The following SIRT2 variants were observed in gnomAD, a reference collection of about 807,000 sequenced individuals.
SIRT2 encodes the protein sirtuin 2, also known as NAD-dependent protein deacetylase sirtuin-2.
A neutral mutation model predicts 57.4 loss-of-function variants in SIRT2; 40 were observed. The ratio of observed to expected loss-of-function variants is 0.70; its 90% CI spans 0.54 to 0.91. The LOEUF (loss-of-function observed/expected upper bound fraction) is 0.91. SIRT2 is among the 40% of genes least tolerant of loss of function. The probability of loss-of-function intolerance (pLI) is 0.00; values close to 1 mark genes in which losing one functional copy is unlikely to be tolerated. For synonymous variants in SIRT2, 161 were observed against 195.7 expected, an observed-to-expected ratio of 0.82 and a Z score of 1.48; for missense variants, 439 against 510.4, an observed-to-expected ratio of 0.86 and a Z score of 1.35.
intron 10 of SIRT2, 79 bp from the exon 11 acceptor site, chr19:38,881,234 G>A (rs1322326315): frequency 4.9e-6 from 7 of 1,427,062 alleles, no homozygotes; most frequent in African/African-American, 2.8e-5. Flanking sequence ...TGGCAGACCC[G>A]GAGGCCACAG....
At chr19:38,892,288 C>T (rs976243237) in intron 4 of SIRT2, among the ~76,000 whole-genome samples, 1 of 151,250 alleles carries the variant, frequency 6.6e-6, no homozygotes, top group African/African-American at 2.4e-5. Context: ...CCCAGCCACT[C>T]GGGAGGCTGA....
intron 1 of SIRT2, chr19:38,898,995 G>C (rs117301980): frequency 2.5e-3 from 467 of 190,572 alleles, no homozygotes; most frequent in South Asian, 9.0e-3. Flanking sequence ...TGTGTGCGGG[G>C]AGGGTTAGAT....
chr19:38,882,183 C>T (rs1478657095), intron 9 of SIRT2, among the ~76,000 whole-genome samples: 3 of 150,378 alleles, frequency 2.0e-5, no homozygotes, highest in African/African-American at 7.4e-5. Flanking sequence ...CACCTGGCTA[C>T]ATTTTATTTT....
At chr19:38,884,701 C>A (rs1973271966) in intron 8 of SIRT2, among the ~76,000 whole-genome samples, 1 of 152,034 alleles carries the variant, frequency 6.6e-6, no homozygotes, top group Admixed American at 6.5e-5. Context: ...CTTGCCTCGG[C>A]CTCCCAAAGT....
At position 38,880,560 on chromosome 19, in the gene SIRT2, G is replaced by T. The variant is rs1379673050; in HGVS notation, c.876+125C>A. On this transcript the variant is annotated intron_variant, in intron 13 of 15. Coordinates refer to ENST00000249396, the MANE Select transcript of SIRT2 (RefSeq NM_012237.4). The surrounding 1 kb of genome is among the most constrained non-coding windows in gnomAD (Gnocchi z 4.1). ...TGGAACCCGACCCCTCTGGATTCTAGAGCCCCAGGTTCTGAGCTGAGGAAT... is the reference window on the plus strand; with the variant it reads ...TGGAACCCGACCCCTCTGGATTCTATAGCCCCAGGTTCTGAGCTGAGGAAT... The T allele has an allele frequency of 3.6e-5, 24 of 663,884 alleles. No individual in the cohort carries two copies. The East Asian group carries it at 6.2e-4, about 17-fold the overall frequency. 41.1% of individuals were successfully genotyped at this position (663,884 alleles called of 1,614,324 possible).
chr19:38,887,412 T>C (rs1435822935), intron 8 of SIRT2, among the ~76,000 whole-genome samples: 1 of 152,198 alleles, frequency 6.6e-6, no homozygotes, highest in Non-Finnish European at 1.5e-5. Flanking sequence ...AGCCACGTCC[T>C]GGAATAATGG....
At chr19:38,883,013 TTGTTAAATCAGCATAAAGAA>T (rs1187180402) in intron 9 of SIRT2, among the ~76,000 whole-genome samples, 1 of 152,022 alleles carries the variant, frequency 6.6e-6, no homozygotes, top group Non-Finnish European at 1.5e-5. Flanking sequence ...ACCAGAGGCT[TTGTTAAATCAGCATAAAGAA>T]TGTCAGAAAT....
chr19:38,890,994 C>G (rs1335287642), intron 4 of SIRT2, among the ~76,000 whole-genome samples: 2 of 152,250 alleles, frequency 1.3e-5, no homozygotes, highest in African/African-American at 4.8e-5. Context: ...GAGATGCCAT[C>G]AGGCCAGGCC....
chr19:38,889,710 T>A lies in SIRT2; in HGVS notation c.411A>T (p.Glu137Asp). 6.2e-7 allele frequency: 1 copy of A among 1,613,834 alleles called. No individual in the cohort carries two copies. Among genetic ancestry groups the A allele is most frequent in the Non-Finnish European group, 8.5e-7 (1 of 1,179,952 alleles). The change falls in exon 7 of 16, where the codon GAA becomes GAT. Residue 137 changes from glutamate (E) to aspartate (D), a missense_variant. Physicochemically the swap from Glu to Asp is conservative, Grantham distance 45. Coordinates refer to ENST00000249396, the MANE Select transcript of SIRT2 (RefSeq NM_012237.4). ...HPEPFFALAK[E>D]LYPGQFKPTI... is the part of the protein sequence containing the mutation. ...TCACCTTGAACTGCCCAGGATAGAG[T>A]TCCTTGGCGAGGGCGAAGAAGGGTT... is the stretch of plus-strand genomic sequence containing the variant.
chr19:38,880,941 G>C lies in SIRT2; in HGVS notation c.748-44C>G. 6.3e-7 allele frequency: 1 copy of C among 1,589,000 alleles called. No homozygotes were observed. The highest frequency in any genetic ancestry group is 8.6e-7 in the Non-Finnish European group (1 of 1,159,034). ...GCTTGGGAGCCTCCGCCCAGGCTGCGCCACCGCTCCCTCCCCCGCCCCCAG... is the reference window on the plus strand; with the variant it reads ...GCTTGGGAGCCTCCGCCCAGGCTGCCCCACCGCTCCCTCCCCCGCCCCCAG... On this transcript the variant is annotated intron_variant, in intron 11 of 15. Coordinates refer to ENST00000249396, the MANE Select transcript of SIRT2 (RefSeq NM_012237.4). This position sits in a 1 kb window ranked among gnomAD's most constrained non-coding sequence, Gnocchi z 4.1.
intron 2 of SIRT2, chr19:38,894,151 C>T: frequency 2.1e-6 from 1 of 469,958 alleles, no homozygotes; most frequent in Non-Finnish European, 3.7e-6. Context: ...GGCTGGAGTG[C>T]ACTGGTGCAG....
chr19:38,891,920 G>A (rs969886576), intron 4 of SIRT2: 5 of 469,866 alleles, frequency 1.1e-5, no homozygotes, highest in African/African-American at 4.0e-5. Flanking sequence ...AGGAGAGGGA[G>A]GCTCAGGGCA....
rs746142952 is a variant in SIRT2 at position 38,880,280 on chromosome 19, C to T, written c.876+405G>A. Reference sequence around the variant, plus strand: ...CTGCCCACAGCGTGCGCTGCTTGCCCGGTGACCCTGCCTACTTCCCCTGAG... The same window carrying T: ...CTGCCCACAGCGTGCGCTGCTTGCCTGGTGACCCTGCCTACTTCCCCTGAG... On this transcript the variant is annotated intron_variant, in intron 13 of 15. Coordinates refer to ENST00000249396, the MANE Select transcript of SIRT2 (RefSeq NM_012237.4). This position sits in a 1 kb window ranked among gnomAD's most constrained non-coding sequence, Gnocchi z 4.1. 9 of 210,504 alleles carry T rather than the reference C, an allele frequency of 4.3e-5. No individual in the cohort carries two copies. Among genetic ancestry groups the T allele is most frequent in the East Asian group, 3.3e-4 (3 of 9,040 alleles). The allele number at this position is 210,504 out of a possible 1,614,324, so 13.0% of individuals were successfully genotyped here. A position where few individuals can be genotyped will look rare whatever the true frequency, so the allele number is the denominator to read the frequency against.
At chr19:38,885,575 C>T (rs564557145) in intron 8 of SIRT2, among the ~76,000 whole-genome samples, 4 of 150,442 alleles carry the variant, frequency 2.7e-5, no homozygotes, top group South Asian at 4.2e-4. Context: ...TACAGGCACC[C>T]GCCACCATGC....
chr19:38,882,700 T>C (rs1973193992), intron 9 of SIRT2, among the ~76,000 whole-genome samples: 1 of 125,440 alleles, frequency 8.0e-6, no homozygotes, highest in African/African-American at 2.8e-5. Flanking sequence ...TTCTAAGTCA[T>C]TTGCTCAACT....
At chr19:38,885,747 T>C (rs1973314813) in intron 8 of SIRT2, among the ~76,000 whole-genome samples, 2 of 152,014 alleles carry the variant, frequency 1.3e-5, no homozygotes, top group South Asian at 4.1e-4. Flanking sequence ...CGCGCCACCA[T>C]GCCTAGCTAA....
chr19:38,881,299 G>A (rs371190445), intron 10 of SIRT2, 133 bp downstream of exon 10: 5 of 1,140,702 alleles, frequency 4.4e-6, no homozygotes, highest in South Asian at 2.7e-5. Context: ...TTCTCCCCAG[G>A]ATGGATCTGG....
Position 38,880,954 on chromosome 19 carries a change from C to G in SIRT2, c.748-57G>C. The G allele has an allele frequency of 3.2e-6, 5 of 1,572,552 alleles. No homozygotes were observed. Among genetic ancestry groups the G allele is most frequent in the Non-Finnish European group, 4.4e-6 (5 of 1,145,140 alleles). ...CGCCCAGGCTGCGCCACCGCTCCCT[C>G]CCCCGCCCCCAGCAGCAAACCTCCC... is the stretch of plus-strand genomic sequence containing the variant. On this transcript the variant is annotated intron_variant, in intron 11 of 15. Coordinates refer to ENST00000249396, the MANE Select transcript of SIRT2 (RefSeq NM_012237.4). The surrounding 1 kb of genome is among the most constrained non-coding windows in gnomAD (Gnocchi z 4.1).
intron 7 of SIRT2, 155 bp downstream of exon 7, chr19:38,889,534 C>A: frequency 1.3e-6 from 1 of 790,436 alleles, no homozygotes; most frequent in Non-Finnish European, 2.1e-6. Flanking sequence ...AAGATGAAGA[C>A]ACGAGGAACC....
Sources: allele counts gnomAD v4.1 joint callset (sites outside exome capture counted in the v4.1 genomes callset), GRCh38; gene constraint gnomAD v4.1.1; non-coding constraint Gnocchi (gnomAD v3.1); transcripts MANE v1.5; gene names NCBI Gene and HGNC (gene_info 2026-07-23, HGNC 2026-07-21).